Variants in GULP1 observed in about 807,000 individuals in gnomAD.
GULP1 encodes the protein PTB domain-containing engulfment adapter protein 1.
In GULP1, 19 loss-of-function variants were observed where a neutral mutation model predicts 40.9. The observed-to-expected ratio is 0.46, with a 90% CI of 0.32 to 0.68. The LOEUF (loss-of-function observed/expected upper bound fraction) is 0.68. Ranked by LOEUF, GULP1 falls within the 30% of genes least tolerant of loss-of-function variation. The pLI, the probability that GULP1 is intolerant of heterozygous loss-of-function variation, is 0.03. For synonymous variants in GULP1, 119 were observed against 117.6 expected (o/e 1.01, Z -0.08); for missense variants, 312 against 362.2 (o/e 0.86, Z 1.12).
chr2:188,468,249 AGTTT>A (rs1349305646), intron 2 of GULP1, among the ~76,000 whole-genome samples: 1 of 152,100 alleles, frequency 6.6e-6, no homozygotes, highest in Non-Finnish European at 1.5e-5. Context: ...TTATTTGTAT[AGTTT>A]GTTCATAATA....
intron 1 of GULP1, among the ~76,000 whole-genome samples, chr2:188,309,757 G>A (rs1333238380): frequency 2.0e-5 from 3 of 152,136 alleles, no homozygotes; most frequent in Non-Finnish European, 4.4e-5. Flanking sequence ...TTGTAAATAC[G>A]GGAGAGCCAA....
chr2:188,489,361 A>C (rs2062147245), intron 4 of GULP1, among the ~76,000 whole-genome samples: 1 of 152,008 alleles, frequency 6.6e-6, no homozygotes, highest in Non-Finnish European at 1.5e-5. Flanking sequence ...AACCAGGGGA[A>C]ATATAAGAAA....
At chr2:188,338,335 G>A (rs2042542638) in intron 1 of GULP1, among the ~76,000 whole-genome samples, 1 of 145,480 alleles carries the variant, frequency 6.9e-6, no homozygotes, top group African/African-American at 2.6e-5. Context: ...CTGGAGTGCT[G>A]TGGTGAGACC....
At chr2:188,494,703 T>C (rs2062733817) in intron 4 of GULP1, among the ~76,000 whole-genome samples, 2 of 152,086 alleles carry the variant, frequency 1.3e-5, no homozygotes, top group African/African-American at 4.8e-5. Flanking sequence ...TATCTTTAAG[T>C]AGCATCACAT....
At chr2:188,476,591 A>T (rs1347056351) in intron 2 of GULP1, among the ~76,000 whole-genome samples, 1 of 152,150 alleles carries the variant, frequency 6.6e-6, no homozygotes, top group African/African-American at 2.4e-5. Flanking sequence ...GCAAATTTTT[A>T]AAAAATAGCA....
At chr2:188,380,354 G>T (rs1304246677) in intron 1 of GULP1, among the ~76,000 whole-genome samples, 1 of 152,162 alleles carries the variant, frequency 6.6e-6, no homozygotes, top group South Asian at 2.1e-4. Flanking sequence ...GAGAAATTAC[G>T]ACTGGCTAGG....
chr2:188,421,493 A>T (rs1283616478), intron 2 of GULP1, among the ~76,000 whole-genome samples: 3 of 152,160 alleles, frequency 2.0e-5, no homozygotes, highest in Non-Finnish European at 2.9e-5. Flanking sequence ...ATGAGAGGTT[A>T]TCATTCCCAG....
At chr2:188,528,833 A>G (rs1465502543) in intron 5 of GULP1, among the ~76,000 whole-genome samples, 5 of 152,162 alleles carry the variant, frequency 3.3e-5, no homozygotes, top group Non-Finnish European at 7.4e-5. Flanking sequence ...ACTGTCTGGT[A>G]TGAATACGTT....
At chr2:188,506,469 CT>C (rs35646590) in intron 4 of GULP1, among the ~76,000 whole-genome samples, 2 of 151,928 alleles carry the variant, frequency 1.3e-5, no homozygotes, top group Non-Finnish European at 2.9e-5. Context: ...CTATAAAATA[CT>C]TTTAGTTCTC....
At chr2:188,355,045 A>G (rs917097221) in intron 1 of GULP1, among the ~76,000 whole-genome samples, 22 of 152,276 alleles carry the variant, frequency 1.4e-4, no homozygotes, top group African/African-American at 5.3e-4. Context: ...TAGTAAAAGG[A>G]GTATTAAGAG....
chr2:188,559,767 T>G (rs1460399999), intron 7 of GULP1, among the ~76,000 whole-genome samples: 1 of 152,122 alleles, frequency 6.6e-6, no homozygotes, highest in Non-Finnish European at 1.5e-5. Context: ...CACCCAAATC[T>G]CATCTTGAAT....
chr2:188,315,689 C>A (rs914850871), intron 1 of GULP1, among the ~76,000 whole-genome samples: 2 of 152,052 alleles, frequency 1.3e-5, no homozygotes, highest in African/African-American at 4.8e-5. Flanking sequence ...TAGTATGTAA[C>A]CCTGTATATA....
intron 1 of GULP1, among the ~76,000 whole-genome samples, chr2:188,366,775 A>G (rs548818271): frequency 1.3e-5 from 2 of 151,692 alleles, no homozygotes; most frequent in South Asian, 4.2e-4. Context: ...TTGTATTTTT[A>G]GTAGAGATGG....
At position 188,558,484 on chromosome 2, in the gene GULP1, C is replaced by T. The variant is rs376134274; in HGVS notation, c.400-10755C>T. On this transcript the variant is annotated intron_variant, in intron 7 of 11. Transcript: ENST00000409830. ...TTTTTCTTCCCAGTCTCAGGTATGT[C>T]TTTATCAGCAGCATGAAAACAGACT... Among the ~76,000 whole-genome samples, 16 of 152,160 alleles carry T rather than the reference C, an allele frequency of 1.1e-4. No individual in the cohort carries two copies. In the East Asian group the frequency reaches 3.1e-3, roughly 29 times the overall value.
intron 1 of GULP1, among the ~76,000 whole-genome samples, chr2:188,322,315 G>C (rs760492517): frequency 2.0e-5 from 3 of 151,464 alleles, no homozygotes; most frequent in Non-Finnish European, 4.4e-5. Context: ...TTTTTTTAGG[G>C]GTAGAGGAAG....
At chr2:188,573,674 G>C (rs1319063599) in intron 9 of GULP1, among the ~76,000 whole-genome samples, 1 of 152,102 alleles carries the variant, frequency 6.6e-6, no homozygotes, top group East Asian at 1.9e-4. Context: ...TCAGAGGACT[G>C]AGGATTAGAG....
chr2:188,595,395 T>A lies in GULP1; in HGVS notation c.*1384T>A, dbSNP rs2153480509. 1 of 152,278 alleles carries A rather than the reference T, an allele frequency of 6.6e-6. No homozygotes were observed. Among genetic ancestry groups the A allele is most frequent in the African/African-American group, 2.4e-5 (1 of 41,554 alleles). 9.4% of individuals were successfully genotyped at this position (152,278 alleles called of 1,614,324 possible). A position where few individuals can be genotyped will look rare whatever the true frequency, so the allele number is the denominator to read the frequency against. ...GGTACATTTTCACTAGGAAAAGAAA[T>A]CAAATATGCTTATGCAATATATATT... On this transcript the variant is annotated 3_prime_UTR_variant, in exon 12 of 12. Coordinates refer to ENST00000409830, the MANE Select transcript of GULP1 (RefSeq NM_016315.4).
chr2:188,508,573 A>G (rs1287336714), intron 4 of GULP1, among the ~76,000 whole-genome samples: 4 of 151,858 alleles, frequency 2.6e-5, no homozygotes, highest in Admixed American at 6.6e-5. Flanking sequence ...GTACTCCACA[A>G]TTGTCAGGAC....
chr2:188,441,187 T>G (rs1311754095), intron 2 of GULP1, among the ~76,000 whole-genome samples: 1 of 152,190 alleles, frequency 6.6e-6, no homozygotes, highest in Non-Finnish European at 1.5e-5. Flanking sequence ...TACTCGCCCT[T>G]ATGTTTGATC....
Sources: allele counts gnomAD v4.1 joint callset (sites outside exome capture counted in the v4.1 genomes callset), GRCh38; gene constraint gnomAD v4.1.1; transcripts MANE v1.5; gene names NCBI Gene and HGNC (gene_info 2026-07-23, HGNC 2026-07-21).